The following LILRB3 variants were observed in gnomAD, a reference collection of about 807,000 sequenced individuals.
LILRB3 encodes the protein leukocyte immunoglobulin-like receptor subfamily B member 3.
LILRB3 carries 32 observed loss-of-function variants against 68.2 expected under a neutral mutation model. That is an observed-to-expected ratio of 0.47 (90% confidence interval 0.35 to 0.63). LILRB3 has a LOEUF of 0.63. Among genes scored for constraint, LILRB3 ranks in the 30% least tolerant of loss-of-function variants. The probability of loss-of-function intolerance (pLI) is 0.00; values close to 1 mark genes in which losing one functional copy is unlikely to be tolerated. For synonymous variants in LILRB3, 185 were observed against 323.1 expected, an observed-to-expected ratio of 0.57 and a Z score of 4.58; for missense variants, 502 against 791.3, an observed-to-expected ratio of 0.63 and a Z score of 4.39.
rs771073265 is a variant in LILRB3, at chr19:54,221,959, C to A, written c.527G>T (p.Gly176Val). ...GCCCACAGGGAACAGGGCCTGGAACCCCCCACTGTGGAGCTGCTGTGAGTC... is the reference window on the plus strand; with the variant it reads ...GCCCACAGGGAACAGGGCCTGGAACACCCCACTGTGGAGCTGCTGTGAGTC... The change falls in exon 4 of 13, where the codon GGG becomes GTG. Residue 176 changes from glycine to valine, a missense_variant. Coordinates refer to ENST00000445347, the Ensembl canonical transcript of LILRB3. 2.5e-6 allele frequency: 4 copies of A among 1,606,606 alleles called. No homozygotes were observed. The East Asian group carries it at 9.1e-5, about 36-fold the overall frequency.
chr19:54,216,742 G>T, exon 13 of LILRB3: 2 of 1,150,268 alleles, frequency 1.7e-6, no homozygotes, highest in Non-Finnish European at 1.1e-6. Flanking sequence ...GGAGTGCAGT[G>T]GCACAGTCAT....
At chr19:54,217,786 C>G (rs1283087270) in intron 11 of LILRB3, 3 of 577,506 alleles carry the variant, frequency 5.2e-6, no homozygotes, top group Non-Finnish European at 9.5e-6. Context: ...GTGCCCCACT[C>G]TGTCCAGGCT....
In LILRB3 at chr19:54,217,450, C is replaced by T. The variant is rs778051288; in HGVS notation, c.1618G>A (p.Ala540Thr). The T allele has an allele frequency of 1.5e-4, 245 of 1,608,902 alleles. No individual in the cohort carries two copies. The highest frequency in any genetic ancestry group is 1.9e-4 in the Non-Finnish European group (220 of 1,178,792). Reference sequence around the variant, plus strand: ...TGTTTCACCGGGGCATACGTCACTGCCTGGGGGTCTTCATCGTGTGGGCTC... The same window carrying T: ...TGTTTCACCGGGGCATACGTCACTGTCTGGGGGTCTTCATCGTGTGGGCTC... The change falls in exon 12 of 13, where the codon GCA (alanine) becomes ACA (threonine). Residue 540 changes from alanine to threonine, a missense_variant. Ala to Thr is a moderately conservative substitution (Grantham distance 58). Transcript: ENST00000445347.
exon 13 of LILRB3, chr19:54,216,743 G>A: frequency 1.8e-6 from 2 of 1,141,458 alleles, no homozygotes; most frequent in Non-Finnish European, 1.1e-6. Flanking sequence ...GAGTGCAGTG[G>A]CACAGTCATA....
rs142108207 is a variant in LILRB3, at chr19:54,217,107, G to C, written c.1882C>G (p.Leu628Val). 21 of 1,614,068 alleles carry C rather than the reference G, an allele frequency of 1.3e-5. No homozygotes were observed. In the African/African-American group the frequency reaches 2.4e-4, roughly 18 times the overall value. ...TACCCCCCGGGCTAGTGGATGGCCA[G>C]AGTGGCGTAGATGCTGGGCTCAGCT... The change falls in exon 13 of 13, where the codon CTG (leucine) becomes GTG (valine). Residue 628 changes from leucine to valine, a missense_variant. Leu to Val is a conservative substitution (Grantham distance 32, BLOSUM62 1). Around this residue, in one of 8 missense-constraint regions of LILRB3, gnomAD observed 267 missense variants for 245.5 expected, o/e 1.09. Coordinates refer to ENST00000445347, the Ensembl canonical transcript of LILRB3.
exon 13 of LILRB3, chr19:54,216,583 T>A (rs919907528): frequency 3.0e-6 from 3 of 1,000,530 alleles, no homozygotes; most frequent in Non-Finnish European, 3.6e-6. Flanking sequence ...GTGCTGAGAT[T>A]ATAGGCGTGA....
chr19:54,217,346 C>T (rs1053011), exon 12 of LILRB3: 16,064 of 1,474,066 alleles, frequency 0.011, 2,651 homozygotes, highest in African/African-American at 0.037. Flanking sequence ...TGTCCTCTTC[C>T]ACCTGTCTGT....
chr19:54,220,500 T>A lies in LILRB3; in HGVS notation c.1258+28A>T, dbSNP rs1461029082. On this transcript the variant is annotated intron_variant, in intron 6 of 12. Transcript: ENST00000445347. ...CTGGGCCGGAGCTGAGCCTTTGAGCTCAGAGAGGACGGGGTCAGCGCCCTC... is the reference window on the plus strand; with the variant it reads ...CTGGGCCGGAGCTGAGCCTTTGAGCACAGAGAGGACGGGGTCAGCGCCCTC... 132 of 1,310,734 alleles carry A rather than the reference T, an allele frequency of 1.0e-4. 2 individuals are homozygous for A. In the Middle Eastern group the frequency reaches 1.3e-3, roughly 13 times the overall value. 81.2% of individuals were successfully genotyped at this position (1,310,734 alleles called of 1,614,324 possible).
intron 7 of LILRB3, chr19:54,219,548 G>C (rs766087924): frequency 1.3e-6 from 2 of 1,550,354 alleles, no homozygotes; most frequent in South Asian, 1.2e-5. Context: ...GAGCCTGACC[G>C]TCCTGAACCA....
chr19:54,218,520 C>T (rs1410286127), intron 10 of LILRB3, 107 bp from the exon 11 acceptor site: 2 of 1,602,758 alleles, frequency 1.2e-6, no homozygotes, highest in Non-Finnish European at 1.7e-6. Context: ...AGGGAGGTCC[C>T]ACAGTGTGGG....
At chr19:54,218,875 A>G (rs551167338) in intron 8 of LILRB3, 37 bp from the exon 9 acceptor site, 1 of 1,613,950 alleles carries the variant, frequency 6.2e-7, no homozygotes, top group South Asian at 1.1e-5. Flanking sequence ...CCCTGGGAAC[A>G]TTAGAACTCC....
chr19:54,216,854 T>C (rs2077511604), exon 13 of LILRB3: 1 of 1,411,232 alleles, frequency 7.1e-7, no homozygotes, highest in African/African-American at 1.4e-5. Flanking sequence ...GTTTTTGTTT[T>C]TTGTTTTTTT....
chr19:54,221,444 C>T (rs2078167201), intron 4 of LILRB3, 65 bp from the exon 5 acceptor site: 2 of 1,519,418 alleles, frequency 1.3e-6, no homozygotes, highest in Admixed American at 2.3e-5. Flanking sequence ...CTTCTCCCGT[C>T]CTGGCCCTGC....
At chr19:54,219,926 C>T (rs1358698992) in intron 7 of LILRB3, 1 of 1,525,824 alleles carries the variant, frequency 6.6e-7, no homozygotes, top group Non-Finnish European at 8.9e-7. Context: ...CCTCCTGGGT[C>T]AGGACAGGGA....
exon 4 of LILRB3, chr19:54,222,067 A>T: frequency 1.2e-6 from 2 of 1,611,294 alleles, no homozygotes; most frequent in Non-Finnish European, 1.7e-6. Context: ...TCGGAGGGTC[A>T]TATTCCCCCC....
chr19:54,218,405 C>T (rs376273004), exon 11 of LILRB3: 22 of 1,614,184 alleles, frequency 1.4e-5, no homozygotes, highest in South Asian at 3.3e-5. Context: ...GTGTCCTTCA[C>T]AGCAGCATCT....
chr19:54,219,559 C>A (rs973674846), intron 7 of LILRB3: 3 of 1,549,836 alleles, frequency 1.9e-6, no homozygotes, highest in Non-Finnish European at 2.6e-6. Context: ...TCCTGAACCA[C>A]GGCCCTGCTC....
At chr19:54,218,944 G>C in intron 8 of LILRB3, 106 bp from the exon 9 acceptor site, 1 of 1,562,450 alleles carries the variant, frequency 6.4e-7, no homozygotes, top group East Asian at 2.3e-5. Flanking sequence ...CTGCATGGAT[G>C]TTCCAAATAT....
chr19:54,221,747 C>T (rs2078199348), intron 4 of LILRB3, 81 bp downstream of exon 4: 1 of 1,592,638 alleles, frequency 6.3e-7, no homozygotes, highest in African/African-American at 1.4e-5. Context: ...TGGGTCCTTT[C>T]CAGATTCAGT....
Sources: gnomAD v4.1 joint callset for allele counts on GRCh38, gnomAD v4.1.1 for gene constraint, gnomAD v4.1.1 regional missense constraint, MANE v1.5 for transcripts, NCBI Gene and HGNC (gene_info 2026-07-23, HGNC 2026-07-21) for gene names.